EPAS1: variants seen among roughly 807,000 people sequenced by gnomAD.
The protein encoded by EPAS1 is endothelial PAS domain protein 1.
EPAS1 carries 23 observed loss-of-function variants against 87.9 expected under a neutral mutation model. The ratio of observed to expected loss-of-function variants is 0.26; its 90% CI spans 0.19 to 0.37. The LOEUF is 0.37. EPAS1 is among the 10% of genes least tolerant of loss of function. The pLI is 1.00. For missense variants in EPAS1, 1,138 were observed against 1,120.7 expected (o/e 1.02, Z -0.22); for synonymous variants, 508 against 444.3 (o/e 1.14, Z -1.80).
intron 1 of EPAS1, among the ~76,000 whole-genome samples, chr2:46,314,714 C>G (rs982176520): frequency 6.6e-6 from 1 of 152,144 alleles, no homozygotes; most frequent in Non-Finnish European, 1.5e-5. Flanking sequence ...GGAAGGTGGA[C>G]GATTAAAGAT....
intron 7 of EPAS1, among the ~76,000 whole-genome samples, chr2:46,374,853 A>G (rs1042432958): frequency 6.6e-6 from 1 of 152,214 alleles, no homozygotes; most frequent in South Asian, 2.1e-4. Flanking sequence ...GTAGACAACA[A>G]AAGCGTTTTT....
At chr2:46,314,279 G>A (rs144448141) in intron 1 of EPAS1, among the ~76,000 whole-genome samples, 94 of 152,304 alleles carry the variant, frequency 6.2e-4, no homozygotes, top group African/African-American at 2.1e-3. Context: ...TGCCACTGTC[G>A]GTTCTTACCA....
At chr2:46,349,749 A>T (rs1312984088) in intron 2 of EPAS1, among the ~76,000 whole-genome samples, 1 of 152,256 alleles carries the variant, frequency 6.6e-6, no homozygotes, top group African/African-American at 2.4e-5. Context: ...CTCCTGCCAC[A>T]CATTCGCTAG....
chr2:46,304,968 C>A (rs1488582055), intron 1 of EPAS1, among the ~76,000 whole-genome samples: 1 of 152,212 alleles, frequency 6.6e-6, no homozygotes, highest in African/African-American at 2.4e-5. Context: ...ACACTGTTGG[C>A]CCCTGCACTG....
chr2:46,355,670 A>G (rs972441440), intron 2 of EPAS1, among the ~76,000 whole-genome samples: 1 of 152,246 alleles, frequency 6.6e-6, no homozygotes, highest in Non-Finnish European at 1.5e-5. Context: ...TGCACTGGAT[A>G]AATACAGATT....
At chr2:46,308,012 C>G (rs772741817) in intron 1 of EPAS1, among the ~76,000 whole-genome samples, 1 of 152,186 alleles carries the variant, frequency 6.6e-6, no homozygotes, top group Non-Finnish European at 1.5e-5. Flanking sequence ...GGGAGTTCAC[C>G]TTGCTGACTG....
intron 1 of EPAS1, among the ~76,000 whole-genome samples, chr2:46,320,381 A>T (rs1683430245): frequency 1.3e-5 from 2 of 152,194 alleles, no homozygotes; most frequent in African/African-American, 4.8e-5. Context: ...ACTTTGTTGA[A>T]ATGGCTACTT....
At chr2:46,298,408 G>C (rs976025622) in intron 1 of EPAS1, among the ~76,000 whole-genome samples, 1 of 152,250 alleles carries the variant, frequency 6.6e-6, no homozygotes, top group Non-Finnish European at 1.5e-5. Context: ...CGCGGCCCAA[G>C]TGGGCAAAGG....
chr2:46,373,937 A>G (rs1002168781), intron 7 of EPAS1, among the ~76,000 whole-genome samples: 5 of 152,246 alleles, frequency 3.3e-5, no homozygotes, highest in African/African-American at 1.2e-4. Context: ...TAAAGTGGGA[A>G]TAACAACAGG....
chr2:46,332,839 G>A (rs1170103722), intron 1 of EPAS1, among the ~76,000 whole-genome samples: 1 of 152,176 alleles, frequency 6.6e-6, no homozygotes, highest in African/African-American at 2.4e-5. Context: ...TGGGCCACGG[G>A]TGTTGGGCAA....
intron 15 of EPAS1, among the ~76,000 whole-genome samples, chr2:46,382,942 A>G (rs1309467853): frequency 6.6e-6 from 1 of 152,194 alleles, no homozygotes; most frequent in Non-Finnish European, 1.5e-5. Flanking sequence ...ACCACTGTTG[A>G]CAGGAGCACT....
chr2:46,339,705 C>G (rs1683869438), intron 1 of EPAS1, among the ~76,000 whole-genome samples: 2 of 152,194 alleles, frequency 1.3e-5, no homozygotes, highest in African/African-American at 4.8e-5. Context: ...AACAAGATAC[C>G]GTAAACTGAG....
intron 2 of EPAS1, among the ~76,000 whole-genome samples, chr2:46,352,497 C>T (rs1684188019): frequency 6.6e-6 from 1 of 151,812 alleles, no homozygotes; most frequent in Admixed American, 6.6e-5. Context: ...GTCCGTAACA[C>T]TGAGTAGGAT....
rs1412503630 is a variant in EPAS1, at chr2:46,385,617, G to C, written c.*957G>C. 2 of 152,134 alleles carry C rather than the reference G, an allele frequency of 1.3e-5. No homozygotes were observed. The highest frequency in any genetic ancestry group is 4.8e-5 in the African/African-American group (2 of 41,432). The allele number at this position is 152,134 out of a possible 1,614,324, so 9.4% of individuals were successfully genotyped here. A position where few individuals can be genotyped will look rare whatever the true frequency, so the allele number is the denominator to read the frequency against. The stretch of plus-strand genomic sequence containing the variant: ...TTGCCATCTGTGATATGCCATAGGT[G>C]TGACAATCCGAGCAGTGGAGTCATT... On this transcript the variant is annotated 3_prime_UTR_variant, in exon 16 of 16. Coordinates refer to ENST00000263734, the MANE Select transcript of EPAS1 (RefSeq NM_001430.5).
chr2:46,355,330 C>T (rs1490654910), intron 2 of EPAS1, among the ~76,000 whole-genome samples: 2 of 152,176 alleles, frequency 1.3e-5, no homozygotes, highest in African/African-American at 4.8e-5. Context: ...GTTACTTATC[C>T]AGAGTCATAG....
At chr2:46,335,916 C>T (rs933378506) in intron 1 of EPAS1, 1 of 152,220 alleles carries the variant, frequency 6.6e-6, no homozygotes, top group Non-Finnish European at 1.5e-5. Flanking sequence ...AGTGAGTTCA[C>T]TCCCTGCGCA....
At chr2:46,344,443 G>A (rs1166086372) in intron 1 of EPAS1, among the ~76,000 whole-genome samples, 3 of 152,212 alleles carry the variant, frequency 2.0e-5, no homozygotes, top group Non-Finnish European at 2.9e-5. Flanking sequence ...GAGAGCACAA[G>A]GGTTAGTAAT....
intron 15 of EPAS1, among the ~76,000 whole-genome samples, chr2:46,383,433 C>T (rs757549636): frequency 5.9e-5 from 9 of 152,198 alleles, no homozygotes; most frequent in Admixed American, 1.3e-4. Flanking sequence ...GAAAATAATT[C>T]GTGGTTTATG....
chr2:46,315,610 C>G (rs1401464045), intron 1 of EPAS1, among the ~76,000 whole-genome samples: 1 of 152,190 alleles, frequency 6.6e-6, no homozygotes, highest in Non-Finnish European at 1.5e-5. Context: ...CCAGGCCTGC[C>G]CAGAATCCTG....
Sources: allele counts gnomAD v4.1 joint callset (sites outside exome capture counted in the v4.1 genomes callset), GRCh38; gene constraint gnomAD v4.1.1; transcripts MANE v1.5; gene names NCBI Gene and HGNC (gene_info 2026-07-23, HGNC 2026-07-21).